Variants in ATP2B4 observed in about 807,000 individuals in gnomAD.
The protein encoded by ATP2B4 is ATPase plasma membrane Ca2+ transporting 4, also known as plasma membrane calcium-transporting ATPase 4.
Under a neutral mutation model 110.3 loss-of-function variants are expected in ATP2B4, and 39 were observed. The ratio of observed to expected loss-of-function variants is 0.35; its 90% CI spans 0.27 to 0.46. The LOEUF (loss-of-function observed/expected upper bound fraction) is 0.46. ATP2B4 is among the 20% of genes least tolerant of loss of function. The pLI is 1.00. For synonymous variants in ATP2B4, 538 were observed against 571.7 expected (o/e 0.94, Z 0.84); for missense variants, 1,135 against 1,530.9 (o/e 0.74, Z 4.32).
chr1:203,709,797 T>A (rs778831715), intron 11 of ATP2B4, among the ~76,000 whole-genome samples: 1 of 152,172 alleles, frequency 6.6e-6, no homozygotes, highest in Non-Finnish European at 1.5e-5. Flanking sequence ...AACAGAGATA[T>A]AAGGAAGTTA....
At chr1:203,702,673 GTC>G (rs1665729368) in intron 7 of ATP2B4, among the ~76,000 whole-genome samples, 1 of 152,136 alleles carries the variant, frequency 6.6e-6, no homozygotes, top group Non-Finnish European at 1.5e-5. Flanking sequence ...TTCACATTCT[GTC>G]TCCGTCTTCT....
rs979278009 is a variant in ATP2B4 at position 203,733,568 on chromosome 1, G to A, written c.3310-5978G>A. ...ATCCTACTCTAAAACCAGACTGTGT[G>A]CCCTTGTATTTTATTTTTGTAATGT... is the stretch of plus-strand genomic sequence containing the variant. On this transcript the variant is annotated intron_variant, in intron 20 of 20. Transcript: ENST00000357681. The A allele has an allele frequency of 8.7e-6, 5 of 577,484 alleles. No homozygotes were observed. In the African/African-American group the frequency reaches 9.6e-5, roughly 11 times the overall value. The allele number at this position is 577,484 out of a possible 1,614,324, so 35.8% of individuals were successfully genotyped here.
intron 20 of ATP2B4, among the ~76,000 whole-genome samples, chr1:203,735,569 T>C (rs938947932): frequency 6.6e-6 from 1 of 152,118 alleles, no homozygotes; most frequent in Non-Finnish European, 1.5e-5. Flanking sequence ...TCACGGACTG[T>C]GTGGGTTGAC....
chr1:203,632,612 G>C (rs1663304891), intron 1 of ATP2B4, among the ~76,000 whole-genome samples: 1 of 151,520 alleles, frequency 6.6e-6, no homozygotes, highest in Non-Finnish European at 1.5e-5. Flanking sequence ...CAAAGTGCTG[G>C]GATTACAGGC....
At chr1:203,628,703 C>CT (rs1357847129) in intron 1 of ATP2B4, among the ~76,000 whole-genome samples, 1 of 152,192 alleles carries the variant, frequency 6.6e-6, no homozygotes, top group East Asian at 1.9e-4. Context: ...ACGCCCCCTC[C>CT]ACTCTGAGCC....
At chr1:203,680,490 T>C (rs1043140759) in intron 1 of ATP2B4, among the ~76,000 whole-genome samples, 1 of 151,584 alleles carries the variant, frequency 6.6e-6, no homozygotes, top group Non-Finnish European at 1.5e-5. Context: ...GCGCCTGTGG[T>C]CCCAGCCACT....
chr1:203,717,541 G>GT lies in ATP2B4; in HGVS notation c.2407-3002dup, dbSNP rs1312479212. 2.6e-5 allele frequency among the ~76,000 whole-genome samples: 4 copies of GT among 151,738 alleles called. No homozygotes were observed. In the East Asian group the frequency reaches 5.8e-4, roughly 22 times the overall value. On this transcript the variant is annotated intron_variant, in intron 15 of 20. Transcript: ENST00000357681. ...TAATAGCTTTCTTGGTTTATTCTTG[G>GT]TTTTTTCGTTCTTTTTTATCCTGGA...
At chr1:203,644,537 C>T (rs1030091745) in intron 1 of ATP2B4, among the ~76,000 whole-genome samples, 1 of 152,188 alleles carries the variant, frequency 6.6e-6, no homozygotes, top group Non-Finnish European at 1.5e-5. Context: ...CCTTTCTGGG[C>T]TTCAATTTGT....
intron 8 of ATP2B4, among the ~76,000 whole-genome samples, chr1:203,706,250 C>A (rs182035913): frequency 1.3e-5 from 2 of 152,252 alleles, no homozygotes; most frequent in East Asian, 3.9e-4. Flanking sequence ...AGCCCCACAT[C>A]CCTGGAAACT....
chr1:203,725,238 T>G (rs757635057), intron 19 of ATP2B4, among the ~76,000 whole-genome samples: 1 of 145,256 alleles, frequency 6.9e-6, no homozygotes, highest in Admixed American at 6.9e-5. Flanking sequence ...ACCTCCACCC[T>G]CCAGGTTCAA....
chr1:203,657,724 G>A (rs1664204894), intron 1 of ATP2B4: 1 of 739,306 alleles, frequency 1.4e-6, no homozygotes, highest in African/African-American at 1.8e-5. Context: ...TATCCATAGT[G>A]TTTATGGTGT....
In ATP2B4 at chr1:203,665,923, A is replaced by G. The variant is rs192771760; in HGVS notation, c.-464-16819A>G. Reference sequence around the variant, plus strand: ...CTTTTCCATCTACGTGGCTATGATTATGGGATTCTTGTTTGATGTAGTTGG... The same window carrying G: ...CTTTTCCATCTACGTGGCTATGATTGTGGGATTCTTGTTTGATGTAGTTGG... On this transcript the variant is annotated intron_variant, in intron 1 of 20. Transcript: ENST00000357681. Among the ~76,000 whole-genome samples, 6 of 152,250 alleles carry G rather than the reference A, an allele frequency of 3.9e-5. No individual in the cohort carries two copies. The East Asian group carries it at 1.2e-3, about 29-fold the overall frequency.
intron 2 of ATP2B4, among the ~76,000 whole-genome samples, chr1:203,686,447 C>A (rs1241552655): frequency 1.3e-5 from 2 of 152,120 alleles, no homozygotes; most frequent in Non-Finnish European, 2.9e-5. Flanking sequence ...TTCCCAAAGG[C>A]CAACATATAT....
intron 1 of ATP2B4, among the ~76,000 whole-genome samples, chr1:203,677,500 T>G (rs1343715847): frequency 6.6e-6 from 1 of 152,178 alleles, no homozygotes; most frequent in East Asian, 1.9e-4. Context: ...AGTCTCGCTG[T>G]CACCCAGGCG....
chr1:203,720,088 C>T (rs11808009), intron 15 of ATP2B4, among the ~76,000 whole-genome samples: 35,725 of 151,900 alleles, frequency 0.24, 4,878 homozygotes, highest in East Asian at 0.59. Flanking sequence ...TTTAATTTAA[C>T]TTAAAAGGAA....
intron 8 of ATP2B4, among the ~76,000 whole-genome samples, chr1:203,705,742 C>A (rs1482973506): frequency 6.6e-6 from 1 of 152,184 alleles, no homozygotes; most frequent in African/African-American, 2.4e-5. Flanking sequence ...TTACAGAGTA[C>A]AAGCTACCTG....
At chr1:203,637,357 C>T (rs1055730943) in intron 1 of ATP2B4, among the ~76,000 whole-genome samples, 15 of 137,818 alleles carry the variant, frequency 1.1e-4, no homozygotes, top group Middle Eastern at 4.2e-3. Flanking sequence ...CGTGAACCCC[C>T]GGGGGGGGGC....
intron 1 of ATP2B4, among the ~76,000 whole-genome samples, chr1:203,682,029 C>T (rs1353766751): frequency 2.3e-5 from 1 of 44,166 alleles, no homozygotes; most frequent in Non-Finnish European, 7.2e-5. Context: ...TGGAGCTTAG[C>T]CTCAGAACAA....
chr1:203,717,668 G>A (rs931151991), intron 15 of ATP2B4, among the ~76,000 whole-genome samples: 1 of 79,532 alleles, frequency 1.3e-5, no homozygotes, highest in Non-Finnish European at 2.9e-5. Flanking sequence ...ATGAGACGGG[G>A]CCTTGCTCTG....
Sources: gnomAD v4.1 joint callset for allele counts (sites outside exome capture counted in the v4.1 genomes callset) on GRCh38, gnomAD v4.1.1 for gene constraint, MANE v1.5 for transcripts, NCBI Gene and HGNC (gene_info 2026-07-23, HGNC 2026-07-21) for gene names.